The following REV1 variants were observed in gnomAD, a reference collection of about 807,000 sequenced individuals.
REV1 encodes the protein REV1 DNA directed polymerase.
A neutral mutation model predicts 137.4 loss-of-function variants in REV1; 42 were observed. The ratio of observed to expected loss-of-function variants is 0.31; its 90% confidence interval spans 0.24 to 0.40. The LOEUF (loss-of-function observed/expected upper bound fraction) is 0.40, where lower values mean the gene tolerates loss of function less well. REV1 is among the 10% of genes least tolerant of loss of function. The pLI is 1.00. For synonymous variants in REV1, 524 were observed against 519.2 expected (o/e 1.01, Z -0.12); for missense variants, 1,282 against 1,490.1 (o/e 0.86, Z 2.30).
intron 5 of REV1, 127 bp from the exon 6 acceptor site, chr2:99,439,437 T>A: frequency 1.7e-6 from 1 of 572,432 alleles, no homozygotes; most frequent in Non-Finnish European, 3.0e-6. Flanking sequence ...AAAATTCTTA[T>A]ATTGAATATT....
chr2:99,450,284 CTAAGAAGAAATG>C (rs1682772130), intron 3 of REV1, among the ~76,000 whole-genome samples: 1 of 152,116 alleles, frequency 6.6e-6, no homozygotes, highest in Non-Finnish European at 1.5e-5. Context: ...ATGCTTCCCC[CTAAGAAGAAATG>C]TCTGATTCAC....
At chr2:99,485,427 AAAG>A (rs1251587459) in intron 1 of REV1, among the ~76,000 whole-genome samples, 1 of 152,240 alleles carries the variant, frequency 6.6e-6, no homozygotes, top group East Asian at 1.9e-4. Flanking sequence ...AAACCCAGTG[AAAG>A]AAGGGAGAAA....
At chr2:99,466,349 T>G (rs896627378) in intron 1 of REV1, among the ~76,000 whole-genome samples, 1 of 152,128 alleles carries the variant, frequency 6.6e-6, no homozygotes, top group African/African-American at 2.4e-5. Flanking sequence ...TTCAAGTGAT[T>G]CTCCTGCCTC....
In REV1 at chr2:99,424,132, GAC is replaced by G; in HGVS notation, c.1676+18_1676+19del. 1 of 1,606,284 alleles carries G rather than the reference GAC, an allele frequency of 6.2e-7. No individual in the cohort carries two copies. Among genetic ancestry groups the G allele is most frequent in the Non-Finnish European group, 8.5e-7 (1 of 1,177,014 alleles). ...AAGAAGGAAAACACAGACACAAAAT[GAC>G]AGTTTGATACACTGTACCTTGCCAA... On this transcript the variant is annotated intron_variant, in intron 10 of 22. Transcript: ENST00000258428.
intron 3 of REV1, among the ~76,000 whole-genome samples, chr2:99,457,497 C>A (rs1356281770): frequency 6.6e-6 from 1 of 152,142 alleles, no homozygotes; most frequent in Non-Finnish European, 1.5e-5. Flanking sequence ...GCCTGGCCAA[C>A]ATGGCGAAAC....
At position 99,438,975 on chromosome 2, in the gene REV1, T is replaced by G; in HGVS notation, c.839A>C (p.Gln280Pro). ...AGCATCTGTGTTTCTGGTGCTTTGC[T>G]GCAACTGCTGCAGAGTGCAGTCTCT... is the stretch of plus-strand genomic sequence containing the variant. ...DFRDCTLQQL[Q>P]QSTRNTDALR... The change falls in exon 6 of 23, where the codon CAG becomes CCG. Residue 280 changes from glutamine (Q) to proline (P), a missense_variant. Physicochemically the swap from Gln to Pro is moderately conservative, Grantham distance 76. This residue lies in a region of REV1 where 432 missense variants were observed against 438.0 expected (regional missense o/e 0.99). Transcript: ENST00000258428. 1 of 1,614,224 alleles carries G rather than the reference T, an allele frequency of 6.2e-7. No homozygotes were observed. Among genetic ancestry groups the G allele is most frequent in the Non-Finnish European group, 8.5e-7 (1 of 1,180,018 alleles).
At chr2:99,410,528 T>A (rs541258748) in intron 14 of REV1, among the ~76,000 whole-genome samples, 167 bp downstream of exon 14, 15 of 152,314 alleles carry the variant, frequency 9.8e-5, no homozygotes, top group African/African-American at 3.1e-4. Flanking sequence ...ACCAAGTGCA[T>A]TAACCTAAGC....
intron 1 of REV1, among the ~76,000 whole-genome samples, chr2:99,469,852 A>T (rs2105207487): frequency 6.6e-6 from 1 of 152,272 alleles, no homozygotes; most frequent in Non-Finnish European, 1.5e-5. Flanking sequence ...ATTCATTTTC[A>T]TGTAAAAATG....
rs753755814 is a variant in REV1 at position 99,462,484 on chromosome 2, A to G, written c.181+12T>C. 5 of 1,591,028 alleles carry G rather than the reference A, an allele frequency of 3.1e-6. No homozygotes were observed. Among genetic ancestry groups the G allele is most frequent in the Non-Finnish European group, 3.4e-6 (4 of 1,173,218 alleles). On this transcript the variant is annotated intron_variant, in intron 3 of 22. Transcript: ENST00000258428. ...TACATGCCAAAATAGGGTTAAGTAA[A>G]AAGTACTCAACCTGTGTATCCATTA...
intron 1 of REV1, among the ~76,000 whole-genome samples, chr2:99,465,737 C>T (rs901169353): frequency 6.6e-6 from 1 of 152,162 alleles, no homozygotes; most frequent in Non-Finnish European, 1.5e-5. Context: ...TTATTCTTAA[C>T]AAAATTAATA....
intron 3 of REV1, among the ~76,000 whole-genome samples, chr2:99,458,133 A>G (rs1349022435): frequency 6.6e-6 from 1 of 152,202 alleles, no homozygotes; most frequent in African/African-American, 2.4e-5. Context: ...GTTCTGCAAA[A>G]GACCATTTCA....
intron 1 of REV1, among the ~76,000 whole-genome samples, chr2:99,474,123 A>G (rs1163530922): frequency 6.6e-6 from 1 of 152,106 alleles, no homozygotes; most frequent in Non-Finnish European, 1.5e-5. Flanking sequence ...TGTTCCTTTA[A>G]TTTTTAACAT....
chr2:99,427,516 A>C (rs563310536), intron 9 of REV1, among the ~76,000 whole-genome samples: 1 of 152,264 alleles, frequency 6.6e-6, no homozygotes, highest in East Asian at 1.9e-4. Context: ...TGGCCCCATT[A>C]TTAAGCTATG....
At chr2:99,411,411 CTTTTTTTTT>C (rs550532536) in intron 13 of REV1, among the ~76,000 whole-genome samples, 2 of 138,656 alleles carry the variant, frequency 1.4e-5, no homozygotes, top group Non-Finnish European at 3.1e-5. Context: ...CCTTTCTTTC[CTTTTTTTTT>C]TTTTTGAGAC....
intron 9 of REV1, 191 bp from the exon 10 acceptor site, chr2:99,424,471 G>A (rs1204587111): frequency 9.7e-6 from 6 of 619,842 alleles, no homozygotes; most frequent in East Asian, 6.3e-5. Context: ...TGTCTGAATA[G>A]TGTAAATGAC....
Position 99,424,198 on chromosome 2 carries a change from G to A in REV1, c.1630C>T (p.His544Tyr). The part of the protein sequence containing the change: ...PNLQAVPYDF[H>Y]AYKEVAQTLY... Reference sequence around the variant, plus strand: ...GTTTGTGCGACTTCCTTATATGCATGAAAATCGTATGGAACAGCTTGAAGA... The same window carrying A: ...GTTTGTGCGACTTCCTTATATGCATAAAAATCGTATGGAACAGCTTGAAGA... The change falls in exon 10 of 23, where the codon CAT becomes TAT. Residue 544 changes from histidine (H) to tyrosine (Y), a missense_variant. By Grantham distance (83) the His-to-Tyr change is moderately conservative. Around this residue, in one of 7 missense-constraint regions of REV1, gnomAD observed 372 missense variants for 482.3 expected, o/e 0.77. Coordinates refer to ENST00000258428, the MANE Select transcript of REV1 (RefSeq NM_016316.4). The A allele has an allele frequency of 6.2e-7, 1 of 1,613,952 alleles. No homozygotes were observed.
chr2:99,423,761 T>C (rs1249150641), intron 10 of REV1, among the ~76,000 whole-genome samples: 1 of 152,198 alleles, frequency 6.6e-6, no homozygotes, highest in Non-Finnish European at 1.5e-5. Context: ...CCACTTGTTA[T>C]CAACCCATCA....
chr2:99,488,524 G>A lies in REV1; in HGVS notation c.-11+1293C>T, dbSNP rs1012070553. Among the ~76,000 whole-genome samples the A allele has an allele frequency of 1.3e-4, 20 of 148,436 alleles. 8 individuals are homozygous for A. Among genetic ancestry groups the A allele is most frequent in the African/African-American group, 4.0e-4 (16 of 40,292 alleles). ...AGATAAACGCAACACAGGAAAAGGC[G>A]CAAATAGCCTAAGAATTGAATGGAA... On this transcript the variant is annotated intron_variant, in intron 1 of 22. Transcript: ENST00000258428.
At chr2:99,434,145 ACT>A (rs1198831174) in intron 8 of REV1, among the ~76,000 whole-genome samples, 185 bp downstream of exon 8, 1 of 152,140 alleles carries the variant, frequency 6.6e-6, no homozygotes, top group African/African-American at 2.4e-5. Flanking sequence ...AACATTCTTC[ACT>A]CTCTACTTCA....
Sources: gnomAD v4.1 joint callset for allele counts (sites outside exome capture counted in the v4.1 genomes callset) on GRCh38, gnomAD v4.1.1 for gene constraint, gnomAD v4.1.1 regional missense constraint, MANE v1.5 for transcripts, NCBI Gene and HGNC (gene_info 2026-07-23, HGNC 2026-07-21) for gene names.